SLC22A4: variants seen among roughly 807,000 people sequenced by gnomAD.
SLC22A4 encodes the protein solute carrier family 22 member 4.
In SLC22A4, 39 loss-of-function variants were observed where a neutral mutation model predicts 56.6. That is an observed-to-expected ratio of 0.69 (90% CI 0.53 to 0.90). The LOEUF (loss-of-function observed/expected upper bound fraction) is 0.90, where lower values mean the gene tolerates loss of function less well. Ranked by LOEUF, SLC22A4 falls within the 40% of genes least tolerant of loss-of-function variation. The pLI, the probability that SLC22A4 is intolerant of heterozygous loss-of-function variation, is 0.00. For missense variants in SLC22A4, 594 were observed against 696.5 expected, an observed-to-expected ratio of 0.85 and a Z score of 1.66; for synonymous variants, 241 against 281.4, an observed-to-expected ratio of 0.86 and a Z score of 1.44.
At chr5:132,313,893 G>A in intron 3 of SLC22A4, 125 bp downstream of exon 3, 1 of 1,060,630 alleles carries the variant, frequency 9.4e-7, no homozygotes, top group African/African-American at 1.5e-5. Flanking sequence ...TTGGGAGGGA[G>A]CCGTAGCCAC....
At chr5:132,323,537 T>C (rs1310771125) in intron 4 of SLC22A4, among the ~76,000 whole-genome samples, 1 of 152,226 alleles carries the variant, frequency 6.6e-6, no homozygotes, top group Non-Finnish European at 1.5e-5. Flanking sequence ...GGTTATGTAT[T>C]ATTCTGATTT....
intron 1 of SLC22A4, among the ~76,000 whole-genome samples, chr5:132,305,120 G>A (rs270614): frequency 0.72 from 109,087 of 151,984 alleles, 39,930 homozygotes; most frequent in African/African-American, 0.85. Context: ...TGGAGTAAAA[G>A]TATACAATAA....
At chr5:132,321,649 T>G (rs1409151776) in intron 3 of SLC22A4, among the ~76,000 whole-genome samples, 3 of 152,212 alleles carry the variant, frequency 2.0e-5, no homozygotes, top group African/African-American at 7.2e-5. Flanking sequence ...GGCTCATGAC[T>G]GTAATCCCAA....
chr5:132,327,369 T>C lies in SLC22A4; in HGVS notation c.917T>C (p.Ile306Thr), dbSNP rs272893. ...CAAAAAGCTGCAAAAATGAACAACA[T>C]AGCTGTACCAGCAGTGATATTTGAT... is the stretch of plus-strand genomic sequence containing the variant. The part of the protein sequence containing the change: ...IIQKAAKMNN[I>T]AVPAVIFDSV... The change falls in exon 5 of 10, where the codon ATA (isoleucine) becomes ACA (threonine). Residue 306 changes from isoleucine (I) to threonine (T), a missense_variant. Coordinates refer to ENST00000200652, the MANE Select transcript of SLC22A4 (RefSeq NM_003059.3). The C allele has an allele frequency of 0.61, 976,157 of 1,609,940 alleles. 302,378 individuals are homozygous for C. The highest frequency in any genetic ancestry group is 0.75 in the African/African-American group (55,818 of 74,896).
rs200918264 is a variant in SLC22A4, at chr5:132,322,320, G to C, written c.789G>C (p.Leu263=). The C allele has an allele frequency of 6.2e-7, 1 of 1,613,932 alleles. No homozygotes were observed. Among genetic ancestry groups the C allele is most frequent in the Admixed American group, 1.7e-5 (1 of 60,030 alleles). Residue 263 remains leucine, a synonymous_variant, in exon 4 of 10, where the codon CTG becomes CTC. Transcript: ENST00000200652. The part of the protein sequence containing the change: ...IRDWRMLLLA[L]TVPGVLCVPL... Reference sequence around the variant, plus strand: ...ACTGGCGGATGCTGCTGCTGGCGCTGACGGTGCCGGGAGTGCTGTGTGTCC... The same window carrying C: ...ACTGGCGGATGCTGCTGCTGGCGCTCACGGTGCCGGGAGTGCTGTGTGTCC...
intron 8 of SLC22A4, among the ~76,000 whole-genome samples, chr5:132,338,564 G>C (rs543740804): frequency 6.1e-4 from 93 of 152,292 alleles, no homozygotes; most frequent in Non-Finnish European, 1.2e-3. Context: ...CATCCCTACA[G>C]CTACAACCGT....
intron 4 of SLC22A4, 108 bp from the exon 5 acceptor site, chr5:132,327,169 G>A: frequency 1.1e-6 from 1 of 909,982 alleles, no homozygotes. Flanking sequence ...CCTTTAAAAA[G>A]ACAAACTAGA....
In SLC22A4 at chr5:132,295,027, AC is replaced by A; in HGVS notation, c.393+20del. The A allele has an allele frequency of 5.0e-6, 8 of 1,598,552 alleles. No homozygotes were observed. The highest frequency in any genetic ancestry group is 6.8e-6 in the Non-Finnish European group (8 of 1,173,186). The stretch of plus-strand genomic sequence containing the variant: ...TGACCGAGGTGGGTGCCAGGCCGAG[AC>A]CGTTGACCCGGGAGTGCCTGACCCT... On this transcript the variant is annotated intron_variant, in intron 1 of 9. Coordinates refer to ENST00000200652, the MANE Select transcript of SLC22A4 (RefSeq NM_003059.3).
chr5:132,309,274 G>A (rs564737766), intron 1 of SLC22A4, among the ~76,000 whole-genome samples: 11 of 152,256 alleles, frequency 7.2e-5, no homozygotes, highest in South Asian at 2.1e-4. Context: ...AGACACTTGC[G>A]GCACCATAAC....
chr5:132,322,361 T>A lies in SLC22A4; in HGVS notation c.824+6T>A. The A allele has an allele frequency of 6.2e-7, 1 of 1,612,984 alleles. No individual in the cohort carries two copies. Among genetic ancestry groups the A allele is most frequent in the Non-Finnish European group, 8.5e-7 (1 of 1,179,700 alleles). ...CTGTGTGTCCCGCTGTGGTGGTGAG[T>A]GTGACTCGTCCCCAGACAGGCCCTC... On this transcript the variant is annotated splice_donor_region_variant and intron_variant, in intron 4 of 9. Transcript: ENST00000200652.
At chr5:132,304,371 C>G (rs1749975678) in intron 1 of SLC22A4, among the ~76,000 whole-genome samples, 1 of 152,202 alleles carries the variant, frequency 6.6e-6, no homozygotes, top group African/African-American at 2.4e-5. Context: ...AATCCTAGCA[C>G]TTTGGGAGGC....
At chr5:132,320,466 T>C (rs925229909) in intron 3 of SLC22A4, among the ~76,000 whole-genome samples, 1 of 152,140 alleles carries the variant, frequency 6.6e-6, no homozygotes, top group Non-Finnish European at 1.5e-5. Flanking sequence ...GACCTGGAAA[T>C]CATACTCATG....
chr5:132,334,615 G>A, intron 6 of SLC22A4, 103 bp from the exon 7 acceptor site: 1 of 822,080 alleles, frequency 1.2e-6, no homozygotes, highest in Non-Finnish European at 2.2e-6. Context: ...AATGAGGGTA[G>A]TGGCTACTTA....
chr5:132,302,371 T>G (rs1749923966), intron 1 of SLC22A4, among the ~76,000 whole-genome samples: 1 of 152,166 alleles, frequency 6.6e-6, no homozygotes, highest in Non-Finnish European at 1.5e-5. Context: ...AGGACTGTAA[T>G]TCCTCCCTTA....
intron 9 of SLC22A4, among the ~76,000 whole-genome samples, chr5:132,342,811 C>T (rs1561551234): frequency 6.6e-6 from 1 of 152,216 alleles, no homozygotes; most frequent in South Asian, 2.1e-4. Flanking sequence ...TCTGTCCCTA[C>T]GGAGTTAAGG....
chr5:132,336,086 C>A, intron 8 of SLC22A4, 86 bp downstream of exon 8: 2 of 1,356,958 alleles, frequency 1.5e-6, no homozygotes, highest in Non-Finnish European at 2.1e-6. Flanking sequence ...TGTCAAATAG[C>A]ATAGAATGTA....
At chr5:132,298,650 C>T (rs1436775934) in intron 1 of SLC22A4, among the ~76,000 whole-genome samples, 1 of 152,178 alleles carries the variant, frequency 6.6e-6, no homozygotes, top group Non-Finnish European at 1.5e-5. Flanking sequence ...ATAAGAGAAG[C>T]CACCTTATCT....
At chr5:132,330,320 C>T (rs1750819351) in intron 5 of SLC22A4, among the ~76,000 whole-genome samples, 1 of 152,336 alleles carries the variant, frequency 6.6e-6, no homozygotes, top group South Asian at 2.1e-4. Context: ...GGTACTTCAT[C>T]CCTGAGAGAT....
At chr5:132,306,388 T>A (rs71591218) in intron 1 of SLC22A4, among the ~76,000 whole-genome samples, 32 of 2,448 alleles carry the variant, frequency 0.013, 1 homozygote, top group East Asian at 0.042. Flanking sequence ...CCGTGAAATA[T>A]ATATATATAT....
Sources: allele counts gnomAD v4.1 joint callset (sites outside exome capture counted in the v4.1 genomes callset), GRCh38; gene constraint gnomAD v4.1.1; transcripts MANE v1.5; gene names NCBI Gene and HGNC (gene_info 2026-07-23, HGNC 2026-07-21).